DST: variants seen among roughly 807,000 people sequenced by gnomAD.
DST encodes the protein dystonin.
In DST, 253 loss-of-function variants were observed where a neutral mutation model predicts 875.2. That is an observed-to-expected ratio of 0.29 (90% CI 0.26 to 0.32). DST has a LOEUF of 0.32. Among genes scored for constraint, DST ranks in the 10% least tolerant of loss-of-function variants. DST has a pLI of 1.00. For synonymous variants in DST, 3,124 were observed against 3,197.1 expected (o/e 0.98, Z 0.77); for missense variants, 8,287 against 9,111.6 (o/e 0.91, Z 3.68).
intron 60 of DST, among the ~76,000 whole-genome samples, chr6:56,554,455 G>T (rs933843375): frequency 6.6e-6 from 1 of 151,924 alleles, no homozygotes; most frequent in Non-Finnish European, 1.5e-5. Flanking sequence ...TTTGTATCTT[G>T]GTTTAACCTC....
intron 4 of DST, among the ~76,000 whole-genome samples, chr6:56,772,774 A>G (rs1035072293): frequency 1.3e-5 from 2 of 152,174 alleles, no homozygotes; most frequent in Non-Finnish European, 2.9e-5. Flanking sequence ...TGTGATAGCC[A>G]GCCTCCAGGA....
rs2097797684 is a variant in DST at position 56,572,867 on chromosome 6, T to G, written c.13434A>C (p.Lys4478Asn). ...CTGAGAGGTTCTCAAACAGTTCTAC[T>G]TTGGTTTTTAGCTCCTCCATTTTGG... ...TLAKMEELKT[K>N]VELFENLSEK... Residue 4478 changes from lysine to asparagine, a missense_variant, in exon 52 of 104, where the codon AAA (lysine) becomes AAC (asparagine). Coordinates refer to ENST00000680361, the MANE Select transcript of DST (RefSeq NM_001374736.1). The G allele has an allele frequency of 6.2e-7, 1 of 1,613,492 alleles. No homozygotes were observed. Among genetic ancestry groups the G allele is most frequent in the Non-Finnish European group, 8.5e-7 (1 of 1,179,714 alleles).
intron 4 of DST, among the ~76,000 whole-genome samples, chr6:56,817,220 T>G (rs1561990085): frequency 1.3e-5 from 2 of 152,206 alleles, no homozygotes; most frequent in African/African-American, 2.4e-5. Flanking sequence ...CCCTTTCTAG[T>G]GTCTCTTCAG....
At chr6:56,602,810 T>G in intron 43 of DST, 72 bp downstream of exon 43, 1 of 1,188,064 alleles carries the variant, frequency 8.4e-7, no homozygotes, top group East Asian at 2.8e-5. Context: ...AAGTCATATT[T>G]TCTAAACACT....
chr6:56,894,367 A>T, intron 3 of DST, among the ~76,000 whole-genome samples: 1 of 76,274 alleles, frequency 1.3e-5, no homozygotes, highest in Non-Finnish European at 2.4e-5. Context: ...TGTTCCCCCC[A>T]CCTCCCTCCC....
intron 4 of DST, among the ~76,000 whole-genome samples, chr6:56,794,524 G>A (rs1261957183): frequency 6.6e-6 from 1 of 152,158 alleles, no homozygotes; most frequent in Non-Finnish European, 1.5e-5. Context: ...GGAAAGCTGA[G>A]AGAAGCAATC....
At chr6:56,615,321 T>C (rs879424098) in intron 36 of DST, 55 of 1,414,718 alleles carry the variant, frequency 3.9e-5, no homozygotes, top group Non-Finnish European at 4.5e-5. Context: ...TGAAACCATT[T>C]GAAGGGCATT....
intron 49 of DST, among the ~76,000 whole-genome samples, chr6:56,580,555 A>AAAATAAATAAAT (rs3031091): frequency 1.2e-4 from 17 of 146,498 alleles, no homozygotes; most frequent in African/African-American, 3.3e-4. Context: ...CTACTTTCTT[A>AAAATAAATAAAT]AAATAAATAA....
intron 49 of DST, among the ~76,000 whole-genome samples, chr6:56,590,052 T>C (rs2098242479): frequency 6.6e-6 from 1 of 152,262 alleles, no homozygotes; most frequent in Admixed American, 6.5e-5. Context: ...TTATCCTTGA[T>C]ACATTCTGAA....
intron 9 of DST, among the ~76,000 whole-genome samples, chr6:56,680,280 C>CT (rs1458331145): frequency 6.6e-6 from 1 of 152,258 alleles, no homozygotes; most frequent in African/African-American, 2.4e-5. Flanking sequence ...GTTCATAACT[C>CT]TATTTTTCCA....
chr6:56,498,488 G>A (rs1439402093), intron 80 of DST, among the ~76,000 whole-genome samples: 1 of 152,138 alleles, frequency 6.6e-6, no homozygotes, highest in Non-Finnish European at 1.5e-5. Context: ...AAATGACTGT[G>A]TGAGAACAGT....
chr6:56,746,046 A>G (rs2099571441), intron 4 of DST, among the ~76,000 whole-genome samples: 2 of 152,136 alleles, frequency 1.3e-5, no homozygotes, highest in South Asian at 4.1e-4. Context: ...CAGTGGCATG[A>G]TCATAGCTCA....
intron 61 of DST, among the ~76,000 whole-genome samples, chr6:56,543,224 G>A (rs959160992): frequency 1.3e-5 from 2 of 152,178 alleles, no homozygotes; most frequent in African/African-American, 4.8e-5. Context: ...AGTTGAAACC[G>A]CACTTTTACA....
At chr6:56,814,874 C>A (rs2099764779) in intron 4 of DST, among the ~76,000 whole-genome samples, 1 of 152,140 alleles carries the variant, frequency 6.6e-6, no homozygotes, top group South Asian at 2.1e-4. Context: ...CAGTGGTACT[C>A]CCACCATGTT....
Position 56,605,249 on chromosome 6 carries a change from C to A in DST, c.9379G>T (p.Val3127Phe), listed in dbSNP as rs371444438. Residue 3127 changes from valine to phenylalanine, a missense_variant, in exon 40 of 104, where the codon GTT (valine) becomes TTT (phenylalanine). Val to Phe is a conservative substitution (Grantham distance 50, BLOSUM62 -1). Coordinates refer to ENST00000680361, the MANE Select transcript of DST (RefSeq NM_001374736.1). Reference protein sequence around the residue: ...KDEPNNLQIIVSKSPVQFENL... With the variant: ...KDEPNNLQIIFSKSPVQFENL... Reference sequence around the variant, plus strand: ...TCAAACTGAACAGGACTTTTACTAACTATTATTTGTAGATTATTTGGTTCA... The same window carrying A: ...TCAAACTGAACAGGACTTTTACTAAATATTATTTGTAGATTATTTGGTTCA... The A allele has an allele frequency of 1.2e-6, 2 of 1,610,542 alleles. No individual in the cohort carries two copies. Among genetic ancestry groups the A allele is most frequent in the Non-Finnish European group, 1.7e-6 (2 of 1,178,160 alleles).
chr6:56,756,862 T>C (rs551641379), intron 4 of DST, among the ~76,000 whole-genome samples: 1 of 152,342 alleles, frequency 6.6e-6, no homozygotes, highest in Non-Finnish European at 1.5e-5. Context: ...GAATTAAATC[T>C]TTCAAGCCTA....
At chr6:56,535,669 T>C (rs1273356385) in intron 62 of DST, among the ~76,000 whole-genome samples, 1 of 152,252 alleles carries the variant, frequency 6.6e-6, no homozygotes, top group Non-Finnish European at 1.5e-5. Flanking sequence ...ATATCAGAGA[T>C]AATGATTTTT....
intron 4 of DST, among the ~76,000 whole-genome samples, chr6:56,744,031 C>A (rs549038278): frequency 6.6e-6 from 1 of 151,888 alleles, no homozygotes; most frequent in South Asian, 2.1e-4. Flanking sequence ...CACCTGTAAT[C>A]CCAGCTACTC....
chr6:56,810,952 C>T (rs1054222595), intron 4 of DST, among the ~76,000 whole-genome samples: 3 of 151,898 alleles, frequency 2.0e-5, no homozygotes, highest in African/African-American at 4.8e-5. Flanking sequence ...GAGGCAGAGG[C>T]AGGAGGATCG....
Sources: gnomAD v4.1 joint callset for allele counts (sites outside exome capture counted in the v4.1 genomes callset) on GRCh38, gnomAD v4.1.1 for gene constraint, MANE v1.5 for transcripts, NCBI Gene and HGNC (gene_info 2026-07-23, HGNC 2026-07-21) for gene names.